Variants in CEP128 observed in about 807,000 individuals in gnomAD.
CEP128 encodes centrosomal protein 128, also known as centrosomal protein 128kDa.
CEP128 carries 132 observed loss-of-function variants against 156.7 expected under a neutral mutation model. That is an observed-to-expected ratio of 0.84 (90% CI 0.73 to 0.97). CEP128 has a LOEUF of 0.97. CEP128 is among the 50% of genes least tolerant of loss of function. The pLI, the probability that CEP128 is intolerant of heterozygous loss-of-function variation, is 0.00. For missense variants in CEP128, 1,252 were observed against 1,281.9 expected (o/e 0.98, Z 0.36); for synonymous variants, 469 against 448.9 (o/e 1.04, Z -0.57).
chr14:80,852,928 A>G lies in CEP128; in HGVS notation c.762+9829T>C, dbSNP rs537429267. 1.3e-4 allele frequency among the ~76,000 whole-genome samples: 20 copies of G among 152,074 alleles called. 1 individual carries two copies. Among genetic ancestry groups the G allele is most frequent in the African/African-American group, 4.6e-4 (19 of 41,552 alleles). The stretch of plus-strand genomic sequence containing the variant: ...AAAAAAATAGCAAGTTAATTCAGCA[A>G]TGTATAAAAAAAAATTATAATCAAA... On this transcript the variant is annotated intron_variant, in intron 9 of 24. Coordinates refer to ENST00000555265, the MANE Select transcript of CEP128 (RefSeq NM_152446.5).
At chr14:80,831,859 T>C (rs1885818938) in intron 12 of CEP128, among the ~76,000 whole-genome samples, 1 of 152,320 alleles carries the variant, frequency 6.6e-6, no homozygotes, top group Non-Finnish European at 1.5e-5. Flanking sequence ...TATAATACCT[T>C]CTTCTAATAT....
chr14:80,601,362 T>G (rs541138238), intron 19 of CEP128, among the ~76,000 whole-genome samples: 23 of 152,170 alleles, frequency 1.5e-4, no homozygotes, highest in Non-Finnish European at 3.2e-4. Context: ...TGTCCAATCT[T>G]TTGGCTTCCC....
At chr14:80,870,225 G>A (rs1304326943) in intron 8 of CEP128, among the ~76,000 whole-genome samples, 2 of 151,988 alleles carry the variant, frequency 1.3e-5, no homozygotes, top group African/African-American at 4.8e-5. Flanking sequence ...CTGAAGATAA[G>A]AGAACATGTC....
intron 2 of CEP128, among the ~76,000 whole-genome samples, chr14:80,952,349 A>G (rs1269388660): frequency 6.6e-6 from 1 of 152,154 alleles, no homozygotes; most frequent in Non-Finnish European, 1.5e-5. Flanking sequence ...ACAAATTAAC[A>G]ACAGAATATC....
intron 21 of CEP128, among the ~76,000 whole-genome samples, chr14:80,544,634 G>A (rs1037996214): frequency 2.0e-5 from 3 of 152,018 alleles, no homozygotes; most frequent in African/African-American, 7.2e-5. Flanking sequence ...ACATACTTTG[G>A]GCAATATAAT....
At chr14:80,786,598 C>G (rs1901420398) in intron 14 of CEP128, among the ~76,000 whole-genome samples, 1 of 152,160 alleles carries the variant, frequency 6.6e-6, no homozygotes, top group African/African-American at 2.4e-5. Context: ...AGCAGTTGAG[C>G]TCTGACCAGA....
chr14:80,946,320 G>GAGGC (rs1886342456), upstream of CEP128, among the ~76,000 whole-genome samples: 1 of 66,150 alleles, frequency 1.5e-5, no homozygotes, highest in African/African-American at 5.9e-5. Flanking sequence ...GATGCCTCAT[G>GAGGC]ATGCATCATG....
intron 19 of CEP128, among the ~76,000 whole-genome samples, chr14:80,693,963 G>T (rs1896801864): frequency 6.6e-6 from 1 of 152,144 alleles, no homozygotes; most frequent in African/African-American, 2.4e-5. Context: ...TTACAATGAG[G>T]ATGAGTGGGG....
chr14:80,796,234 G>A (rs768982130), intron 13 of CEP128, among the ~76,000 whole-genome samples: 4 of 152,106 alleles, frequency 2.6e-5, no homozygotes, highest in African/African-American at 7.2e-5. Context: ...CGAGGTGGGC[G>A]GATCACTTGA....
intron 19 of CEP128, among the ~76,000 whole-genome samples, chr14:80,701,600 G>A (rs1897077020): frequency 6.6e-6 from 1 of 152,070 alleles, no homozygotes; most frequent in South Asian, 2.1e-4. Flanking sequence ...AAGAAACTAA[G>A]CTTTCTTGGC....
chr14:80,909,426 GA>G lies in CEP128; in HGVS notation c.235-3346del, dbSNP rs1462635570. ...ACACGCAAACTCCCTGCCACCAAAA[GA>G]AAAAAAGTTACCATGGGACATAACA... is the stretch of plus-strand genomic sequence containing the variant. On this transcript the variant is annotated intron_variant, in intron 4 of 24. Coordinates refer to ENST00000555265, the MANE Select transcript of CEP128 (RefSeq NM_152446.5). 4.8e-5 allele frequency among the ~76,000 whole-genome samples: 7 copies of G among 144,806 alleles called. No individual in the cohort carries two copies. In the East Asian group the frequency reaches 1.4e-3, roughly 29 times the overall value. 95.0% of individuals were successfully genotyped at this position (144,806 alleles called of 152,430 possible).
intron 15 of CEP128, among the ~76,000 whole-genome samples, chr14:80,783,528 A>C (rs1013248830): frequency 6.6e-5 from 10 of 152,244 alleles, no homozygotes; most frequent in African/African-American, 2.4e-4. Context: ...CAAAATGTTG[A>C]AAAACTGATT....
intron 13 of CEP128, among the ~76,000 whole-genome samples, chr14:80,819,962 T>C (rs8006864): frequency 0.32 from 48,347 of 152,016 alleles, 8,718 homozygotes; most frequent in Non-Finnish European, 0.4. Flanking sequence ...TATGAAATTA[T>C]ATAATCTAAT....
chr14:80,601,866 T>C (rs1892593607), intron 19 of CEP128, among the ~76,000 whole-genome samples: 1 of 91,090 alleles, frequency 1.1e-5, no homozygotes, highest in Non-Finnish European at 2.0e-5. Context: ...AAAATGTTCT[T>C]AAGTGGCACA....
Position 80,785,096 on chromosome 14 carries a change from T to A in CEP128, c.2010A>T (p.Ala670=), listed in dbSNP as rs200408578. The A allele has an allele frequency of 4.3e-6, 7 of 1,614,200 alleles. No homozygotes were observed. In the East Asian group the frequency reaches 1.6e-4, roughly 36 times the overall value. The change falls in exon 15 of 25, where the codon GCA becomes GCT. Residue 670 remains alanine (A), a synonymous_variant. Coordinates refer to ENST00000555265, the MANE Select transcript of CEP128 (RefSeq NM_152446.5). ...AVLKDLSDLT[A]QAKSRDEETA... The stretch of plus-strand genomic sequence containing the variant: ...TTTCTTCATCCCTGGATTTTGCCTG[T>A]GCAGTGAGGTCAGAAAGGTCCTTAA...
intron 16 of CEP128, among the ~76,000 whole-genome samples, chr14:80,772,008 C>T (rs527507465): frequency 6.6e-6 from 1 of 152,158 alleles, no homozygotes; most frequent in Non-Finnish European, 1.5e-5. Flanking sequence ...TTTAAGCTGA[C>T]CTTCTGTTTA....
chr14:80,600,265 A>C (rs1892524948), intron 19 of CEP128, among the ~76,000 whole-genome samples: 1 of 152,236 alleles, frequency 6.6e-6, no homozygotes, highest in East Asian at 1.9e-4. Flanking sequence ...AAAAACATTA[A>C]TTTGCAAAAC....
intron 20 of CEP128, among the ~76,000 whole-genome samples, chr14:80,575,396 C>A (rs1267256410): frequency 6.6e-5 from 10 of 151,858 alleles, no homozygotes; most frequent in African/African-American, 2.4e-4. Flanking sequence ...CACATCATGA[C>A]TTTTTTTTCG....
chr14:80,596,502 C>T (rs1892325587), intron 19 of CEP128, among the ~76,000 whole-genome samples: 1 of 151,808 alleles, frequency 6.6e-6, no homozygotes, highest in Admixed American at 6.6e-5. Context: ...TTTAAAAATA[C>T]CAGGAATTGG....
Sources: gnomAD v4.1 joint callset for allele counts (sites outside exome capture counted in the v4.1 genomes callset) on GRCh38, gnomAD v4.1.1 for gene constraint, MANE v1.5 for transcripts, NCBI Gene and HGNC (gene_info 2026-07-23, HGNC 2026-07-21) for gene names.